DNAJC6: variants seen among roughly 807,000 people sequenced by gnomAD.
DNAJC6 encodes DnaJ heat shock protein family (Hsp40) member C6, also known as auxilin.
Under a neutral mutation model 110.0 loss-of-function variants are expected in DNAJC6, and 34 were observed. The ratio of observed to expected loss-of-function variants is 0.31; its 90% confidence interval spans 0.24 to 0.41. DNAJC6 has a LOEUF of 0.41. Ranked by LOEUF, DNAJC6 falls within the 10% of genes least tolerant of loss-of-function variation. The pLI is 1.00. For synonymous variants in DNAJC6, 406 were observed against 437.2 expected (o/e 0.93, Z 0.89); for missense variants, 1,031 against 1,207.8 (o/e 0.85, Z 2.17).
intron 1 of DNAJC6, among the ~76,000 whole-genome samples, chr1:65,265,851 G>A (rs974896175): frequency 2.0e-5 from 3 of 151,894 alleles, no homozygotes; most frequent in African/African-American, 7.2e-5. Flanking sequence ...CCGTCCGGGC[G>A]GAGGACGCCG....
At chr1:65,403,906 T>A (rs1211318929) in intron 15 of DNAJC6, among the ~76,000 whole-genome samples, 1 of 152,208 alleles carries the variant, frequency 6.6e-6, no homozygotes, top group Non-Finnish European at 1.5e-5. Flanking sequence ...TAGAGGATGC[T>A]CAGTAGTGTT....
At position 65,379,474 on chromosome 1, in the gene DNAJC6, T is replaced by C; in HGVS notation, c.616T>C (p.Tyr206His). ...CCTTTTTGCTGTGTGTCGGAATATG[T>C]ATAACTGGCTACTGCAGAATCCCAA... ...HNLFAVCRNM[Y>H]NWLLQNPKNV... Residue 206 changes from tyrosine to histidine, a missense_variant, in exon 5 of 19, where the codon TAT (tyrosine) becomes CAT (histidine). Coordinates refer to ENST00000371069, the MANE Select transcript of DNAJC6 (RefSeq NM_001256864.2). 6.2e-7 allele frequency: 1 copy of C among 1,614,178 alleles called. No individual in the cohort carries two copies. Among genetic ancestry groups the C allele is most frequent in the Non-Finnish European group, 8.5e-7 (1 of 1,179,984 alleles).
intron 1 of DNAJC6, among the ~76,000 whole-genome samples, chr1:65,325,308 CTAAGA>C (rs1017045158): frequency 1.8e-4 from 28 of 152,140 alleles, no homozygotes; most frequent in African/African-American, 6.3e-4. Context: ...GAAACAAAAG[CTAAGA>C]TATTTCCTCT....
At chr1:65,320,605 G>A (rs1437540864) in intron 1 of DNAJC6, among the ~76,000 whole-genome samples, 1 of 152,188 alleles carries the variant, frequency 6.6e-6, no homozygotes, top group Non-Finnish European at 1.5e-5. Context: ...TTCATTCATT[G>A]CATAAATGTC....
At chr1:65,273,824 G>A (rs570009070) in intron 1 of DNAJC6, among the ~76,000 whole-genome samples, 1 of 152,054 alleles carries the variant, frequency 6.6e-6, no homozygotes, top group South Asian at 2.1e-4. Flanking sequence ...TGCTTTCACT[G>A]TAGTCAGAGA....
intron 13 of DNAJC6, among the ~76,000 whole-genome samples, chr1:65,396,827 GCTATCTAT>G (rs768043701): frequency 6.6e-6 from 1 of 152,144 alleles, no homozygotes; most frequent in Admixed American, 6.5e-5. Context: ...CATGGTAGCT[GCTATCTAT>G]CTTTCCAATA....
chr1:65,312,390 T>C (rs1645109469), intron 1 of DNAJC6, among the ~76,000 whole-genome samples: 2 of 152,232 alleles, frequency 1.3e-5, no homozygotes, highest in South Asian at 2.1e-4. Context: ...TGCCTAATTA[T>C]AGTTCTTTCT....
At chr1:65,294,682 T>C (rs1570232850) in intron 1 of DNAJC6, among the ~76,000 whole-genome samples, 1 of 138,576 alleles carries the variant, frequency 7.2e-6, no homozygotes, top group East Asian at 2.2e-4. Context: ...AATGGCAATA[T>C]ATTGTACCCA....
intron 12 of DNAJC6, among the ~76,000 whole-genome samples, chr1:65,394,408 T>A (rs1036087976): frequency 3.9e-5 from 6 of 152,232 alleles, no homozygotes; most frequent in African/African-American, 1.4e-4. Flanking sequence ...AGGACTTAAC[T>A]GTCTGTGTAA....
chr1:65,311,363 T>G (rs1645099820), intron 1 of DNAJC6, among the ~76,000 whole-genome samples: 1 of 151,954 alleles, frequency 6.6e-6, no homozygotes, highest in South Asian at 2.1e-4. Flanking sequence ...TAGCTGGGAT[T>G]ACAGGCACCT....
intron 4 of DNAJC6, among the ~76,000 whole-genome samples, chr1:65,374,238 T>C (rs1645737471): frequency 6.6e-6 from 1 of 152,182 alleles, no homozygotes; most frequent in South Asian, 2.1e-4. Context: ...TTGTTCTTTT[T>C]GCTCAGGGTG....
chr1:65,394,396 C>T (rs1230422119), intron 12 of DNAJC6, among the ~76,000 whole-genome samples: 1 of 152,024 alleles, frequency 6.6e-6, no homozygotes. Context: ...GATTTGAATC[C>T]CAGGACTTAA....
intron 1 of DNAJC6, among the ~76,000 whole-genome samples, chr1:65,302,258 TA>T (rs1314311842): frequency 4.2e-4 from 8 of 19,010 alleles, no homozygotes; most frequent in Admixed American, 3.9e-3. Flanking sequence ...TATATAATAT[TA>T]TATATATTAT....
chr1:65,412,746 T>G (rs1646139798), intron 18 of DNAJC6, among the ~76,000 whole-genome samples, 178 bp from the exon 19 acceptor site: 1 of 151,952 alleles, frequency 6.6e-6, no homozygotes, highest in Non-Finnish European at 1.5e-5. Context: ...TAGGGGGAGG[T>G]CATTATGGGG....
chr1:65,274,722 A>G (rs369293733), intron 1 of DNAJC6, among the ~76,000 whole-genome samples: 1 of 152,232 alleles, frequency 6.6e-6, no homozygotes, highest in African/African-American at 2.4e-5. Flanking sequence ...TTTAGTTTGA[A>G]TATTTAAACC....
At chr1:65,393,572 A>T (rs1645949707) in intron 12 of DNAJC6, among the ~76,000 whole-genome samples, 1 of 152,210 alleles carries the variant, frequency 6.6e-6, no homozygotes, top group South Asian at 2.1e-4. Context: ...GAGCCCCTTG[A>T]GGCTCTGTTA....
chr1:65,380,497 G>A (rs973280379), intron 5 of DNAJC6, among the ~76,000 whole-genome samples: 9 of 152,202 alleles, frequency 5.9e-5, no homozygotes, highest in Non-Finnish European at 1.3e-4. Flanking sequence ...GCAATAAAGG[G>A]ATAACACTTG....
At chr1:65,295,469 G>A (rs1347779153) in intron 1 of DNAJC6, among the ~76,000 whole-genome samples, 2 of 152,116 alleles carry the variant, frequency 1.3e-5, no homozygotes, top group Non-Finnish European at 2.9e-5. Flanking sequence ...TTGGTTATAG[G>A]TACCTATCCC....
At chr1:65,357,597 T>G (rs1308083697) in intron 1 of DNAJC6, among the ~76,000 whole-genome samples, 2 of 152,144 alleles carry the variant, frequency 1.3e-5, no homozygotes, top group African/African-American at 4.8e-5. Flanking sequence ...CAGTTACCAC[T>G]GTGATGAAGC....
Sources: gnomAD v4.1 joint callset for allele counts (sites outside exome capture counted in the v4.1 genomes callset) on GRCh38, gnomAD v4.1.1 for gene constraint, MANE v1.5 for transcripts, NCBI Gene and HGNC (gene_info 2026-07-23, HGNC 2026-07-21) for gene names.